Variants in LBH observed in about 807,000 individuals in gnomAD.
LBH encodes LBH regulator of Wnt signaling pathway.
A neutral mutation model predicts 12.5 loss-of-function variants in LBH; 7 were observed. The ratio of observed to expected loss-of-function variants is 0.56; its 90% CI spans 0.32 to 1.05. LBH has a LOEUF of 1.05. LBH is among the 50% of genes least tolerant of loss of function. The pLI, the probability that LBH is intolerant of heterozygous loss-of-function variation, is 0.04. For synonymous variants in LBH, 51 were observed against 50.1 expected (o/e 1.02, Z -0.08); for missense variants, 119 against 138.9 (o/e 0.86, Z 0.72).
At chr2:30,249,939 C>T (rs539504886) in intron 2 of LBH, among the ~76,000 whole-genome samples, 34 of 152,336 alleles carry the variant, frequency 2.2e-4, no homozygotes, top group Admixed American at 4.6e-4. Flanking sequence ...GCCTGTCAGG[C>T]ACTGTGCTGG....
At chr2:30,248,163 G>A (rs765469041) in intron 2 of LBH, among the ~76,000 whole-genome samples, 10 of 152,188 alleles carry the variant, frequency 6.6e-5, no homozygotes, top group Non-Finnish European at 1.3e-4. Flanking sequence ...ATTTGCTTCA[G>A]TTGTTAGCCT....
At chr2:30,251,669 GAAAAA>G (rs200828977) in intron 2 of LBH, among the ~76,000 whole-genome samples, 1 of 111,018 alleles carries the variant, frequency 9.0e-6, no homozygotes. Context: ...CCTATCTCAA[GAAAAA>G]AAAAAAAAAA....
intron 2 of LBH, among the ~76,000 whole-genome samples, chr2:30,245,039 T>TA (rs1241982689): frequency 6.6e-6 from 1 of 152,232 alleles, no homozygotes; most frequent in Non-Finnish European, 1.5e-5. Context: ...AACAAAGCCT[T>TA]AAAGTAGGAC....
intron 2 of LBH, among the ~76,000 whole-genome samples, chr2:30,251,156 G>A (rs1159041716): frequency 6.7e-6 from 1 of 150,202 alleles, no homozygotes; most frequent in African/African-American, 2.5e-5. Context: ...CCAGGCTCAG[G>A]CAATCCTCCC....
Position 30,257,548 on chromosome 2 carries a change from CT to C in LBH, c.246del (p.Glu83ArgfsTer52). ...EVESGELRWP[P>X]EEFLVQEDEQ... ...GAGAGCGGGGAGCTCCGGTGGCCCC[CT>C]GAGGAGTTCCTGGTCCAGGAGGATG... On this transcript the variant is annotated frameshift_variant, in exon 3 of 3. Coordinates refer to ENST00000395323, the MANE Select transcript of LBH (RefSeq NM_030915.4). LOFTEE classifies it high-confidence loss of function. The C allele has an allele frequency of 6.2e-7, 1 of 1,614,184 alleles. No homozygotes were observed. Among genetic ancestry groups the C allele is most frequent in the Non-Finnish European group, 8.5e-7 (1 of 1,180,028 alleles).
chr2:30,234,860 C>T (rs1438277260), intron 2 of LBH, among the ~76,000 whole-genome samples: 1 of 152,246 alleles, frequency 6.6e-6, no homozygotes, highest in African/African-American at 2.4e-5. Context: ...TTTGTTTAGT[C>T]GATTGAGACC....
At chr2:30,254,944 C>T (rs1678054129) in intron 2 of LBH, among the ~76,000 whole-genome samples, 1 of 152,382 alleles carries the variant, frequency 6.6e-6, no homozygotes, top group East Asian at 1.9e-4. Flanking sequence ...CAGAGTCTTA[C>T]TCTCCCTCCC....
intron 2 of LBH, among the ~76,000 whole-genome samples, chr2:30,254,427 TG>T (rs1678043370): frequency 6.6e-6 from 1 of 152,160 alleles, no homozygotes; most frequent in African/African-American, 2.4e-5. Context: ...GTGGATAAGT[TG>T]GGGGGTGGTA....
chr2:30,257,490 T>A lies in LBH; in HGVS notation c.187T>A (p.Ser63Thr). 6.2e-7 allele frequency: 1 copy of A among 1,614,188 alleles called. No individual in the cohort carries two copies. Among genetic ancestry groups the A allele is most frequent in the South Asian group, 1.1e-5 (1 of 91,080 alleles). Residue 63 changes from serine to threonine, a missense_variant, in exon 3 of 3, where the codon TCC becomes ACC. By Grantham distance (58) the Ser-to-Thr change is moderately conservative. Coordinates refer to ENST00000395323, the MANE Select transcript of LBH (RefSeq NM_030915.4). ...CTGCAAACTGAAGGACCGTCTGCCC[T>A]CCATAGTGGTGGAACCCACAGAAGG... ...RCCKLKDRLP[S>T]IVVEPTEGEV...
chr2:30,235,902 G>A (rs957280579), intron 2 of LBH, among the ~76,000 whole-genome samples: 2 of 152,054 alleles, frequency 1.3e-5, no homozygotes, highest in Non-Finnish European at 1.5e-5. Context: ...GTGGAGCAAG[G>A]GGGAACTCTC....
chr2:30,237,859 G>C (rs775111739), intron 2 of LBH, among the ~76,000 whole-genome samples: 2 of 152,162 alleles, frequency 1.3e-5, no homozygotes, highest in Non-Finnish European at 2.9e-5. Context: ...GTGAGTAAAT[G>C]GTTGCTAGAA....
intron 2 of LBH, among the ~76,000 whole-genome samples, chr2:30,242,009 A>G (rs930222202): frequency 2.6e-5 from 4 of 152,334 alleles, no homozygotes; most frequent in Non-Finnish European, 5.9e-5. Context: ...ATATTATATC[A>G]TAAAGTTAAA....
chr2:30,259,277 A>G lies in LBH; in HGVS notation c.*1656A>G, dbSNP rs1390430578. 1 of 152,516 alleles carries G rather than the reference A, an allele frequency of 6.6e-6. No individual in the cohort carries two copies. Among genetic ancestry groups the G allele is most frequent in the Non-Finnish European group, 1.5e-5 (1 of 68,046 alleles). 9.4% of individuals were successfully genotyped at this position (152,516 alleles called of 1,614,324 possible). On this transcript the variant is annotated 3_prime_UTR_variant, in exon 3 of 3. Transcript: ENST00000395323. ...GCGCTGTGGACACAGCAGTCCGCGG[A>G]ATTCCGTTCTGGGAAGCCAATGGTC...
chr2:30,234,291 C>A, intron 1 of LBH, 114 bp from the exon 2 acceptor site: 1 of 818,368 alleles, frequency 1.2e-6, no homozygotes, highest in Non-Finnish European at 2.1e-6. Flanking sequence ...CTGTTTTGAA[C>A]ACCTCTCTTC....
chr2:30,244,411 C>A (rs2103559463), intron 2 of LBH, among the ~76,000 whole-genome samples: 1 of 152,280 alleles, frequency 6.6e-6, no homozygotes, highest in Middle Eastern at 3.4e-3. Context: ...CAGACACTTT[C>A]CAAAGGACAT....
At chr2:30,254,174 A>G (rs78100750) in intron 2 of LBH, among the ~76,000 whole-genome samples, 6,168 of 152,274 alleles carry the variant, frequency 0.041, 174 homozygotes, top group Middle Eastern at 0.11. Flanking sequence ...CACATATGCT[A>G]TGTTTTATCC....
chr2:30,235,705 ATCAAAT>A (rs1558385347), intron 2 of LBH, among the ~76,000 whole-genome samples: 1 of 144,934 alleles, frequency 6.9e-6, no homozygotes, highest in Non-Finnish European at 1.5e-5. Context: ...AAAAAAAAAA[ATCAAAT>A]AGAAAGCCAG....
At chr2:30,253,889 G>A (rs184926483) in intron 2 of LBH, among the ~76,000 whole-genome samples, 6 of 152,276 alleles carry the variant, frequency 3.9e-5, no homozygotes, top group South Asian at 2.1e-4. Flanking sequence ...GGACTTGACC[G>A]GAGTTATACA....
intron 1 of LBH, chr2:30,232,319 C>A (rs1351189273): frequency 1.5e-6 from 2 of 1,334,302 alleles, no homozygotes; most frequent in East Asian, 2.8e-5. Flanking sequence ...AGCCTCTCAA[C>A]CCCTGCCCTC....
Sources: gnomAD v4.1 joint callset for allele counts (sites outside exome capture counted in the v4.1 genomes callset) on GRCh38, gnomAD v4.1.1 for gene constraint, MANE v1.5 for transcripts, NCBI Gene and HGNC (gene_info 2026-07-23, HGNC 2026-07-21) for gene names.